TLE4: variants seen among roughly 807,000 people sequenced by gnomAD.
TLE4 encodes TLE family member 4, transcriptional corepressor.
Under a neutral mutation model 92.8 loss-of-function variants are expected in TLE4, and 8 were observed. The ratio of observed to expected loss-of-function variants is 0.09; its 90% CI spans 0.05 to 0.16. TLE4 has a LOEUF of 0.16. TLE4 is among the 10% of genes least tolerant of loss of function. The pLI is 1.00. For synonymous variants in TLE4, 371 were observed against 374.1 expected, an observed-to-expected ratio of 0.99 and a Z score of 0.10; for missense variants, 675 against 997.6, an observed-to-expected ratio of 0.68 and a Z score of 4.36.
Position 79,571,984 on chromosome 9 carries a change from G to T in TLE4, c.-807G>T, listed in dbSNP as rs867207621. ...CTACACAGAGCGTGTTGTTAGAGCT[G>T]TGCTGAGCGGGTGTTTGGGTTGTTG... On this transcript the variant is annotated 5_prime_UTR_variant, in exon 1 of 20. Transcript: ENST00000376552. 1.4e-4 allele frequency: 22 copies of T among 152,294 alleles called. No homozygotes were observed. Among genetic ancestry groups the T allele is most frequent in the African/African-American group, 5.3e-4 (22 of 41,450 alleles). 9.4% of individuals were successfully genotyped at this position (152,294 alleles called of 1,614,324 possible).
chr9:79,606,649 A>G (rs943779683), intron 4 of TLE4, among the ~76,000 whole-genome samples: 1 of 151,970 alleles, frequency 6.6e-6, no homozygotes, highest in Non-Finnish European at 1.5e-5. Flanking sequence ...TCCTTGTGAT[A>G]GTTTGCTTAG....
intron 8 of TLE4, among the ~76,000 whole-genome samples, chr9:79,698,884 T>G (rs1314988279): frequency 6.7e-6 from 1 of 149,226 alleles, no homozygotes; most frequent in African/African-American, 2.4e-5. Context: ...TATATATATA[T>G]ATATGTATAT....
intron 8 of TLE4, among the ~76,000 whole-genome samples, chr9:79,704,341 C>T (rs1354141213): frequency 6.6e-6 from 1 of 152,144 alleles, no homozygotes; most frequent in Non-Finnish European, 1.5e-5. Context: ...TCTCGACCTC[C>T]TGACCTTGTG....
At chr9:79,641,268 AAG>A (rs1238173536) in intron 6 of TLE4, among the ~76,000 whole-genome samples, 1 of 152,128 alleles carries the variant, frequency 6.6e-6, no homozygotes, top group Non-Finnish European at 1.5e-5. Context: ...AGATGCTTTA[AAG>A]AAAATGAGAA....
chr9:79,667,410 T>A (rs2061574547), intron 8 of TLE4, among the ~76,000 whole-genome samples: 1 of 152,252 alleles, frequency 6.6e-6, no homozygotes, highest in African/African-American at 2.4e-5. Flanking sequence ...AAAGGGAACT[T>A]AGAACTGTTT....
At chr9:79,574,737 C>T (rs2037170600) in intron 2 of TLE4, 136 bp from the exon 3 acceptor site, 3 of 667,914 alleles carry the variant, frequency 4.5e-6, no homozygotes, top group East Asian at 3.0e-5. Flanking sequence ...TTTCCCCTTC[C>T]CTTTCCATAA....
At chr9:79,705,862 G>A (rs1238726066) in intron 9 of TLE4, 27 bp from the exon 10 acceptor site, 1 of 1,613,492 alleles carries the variant, frequency 6.2e-7, no homozygotes, top group Non-Finnish European at 8.5e-7. Flanking sequence ...GAGGGGAGAA[G>A]ATAATGCTTC....
intron 5 of TLE4, among the ~76,000 whole-genome samples, chr9:79,623,246 T>A (rs1215727768): frequency 6.6e-6 from 1 of 152,022 alleles, no homozygotes; most frequent in East Asian, 1.9e-4. Context: ...TTTATTACGG[T>A]TTTTTATTAG....
At chr9:79,612,957 C>G (rs2048699468) in intron 5 of TLE4, among the ~76,000 whole-genome samples, 1 of 152,052 alleles carries the variant, frequency 6.6e-6, no homozygotes, top group Admixed American at 6.6e-5. Flanking sequence ...AAAATTCAGT[C>G]GTTAAAATAT....
chr9:79,701,987 C>A (rs929148252), intron 8 of TLE4, among the ~76,000 whole-genome samples: 1 of 152,152 alleles, frequency 6.6e-6, no homozygotes, highest in Non-Finnish European at 1.5e-5. Flanking sequence ...ATTAATTCTG[C>A]CTGACAGCAT....
intron 16 of TLE4, 60 bp from the exon 17 acceptor site, chr9:79,721,681 A>G: frequency 6.2e-7 from 1 of 1,607,460 alleles, no homozygotes; most frequent in Admixed American, 1.7e-5. Flanking sequence ...AGGAATTCTA[A>G]ATTGATTTTA....
chr9:79,578,039 CATT>C (rs1452795207), intron 4 of TLE4, among the ~76,000 whole-genome samples: 3 of 152,138 alleles, frequency 2.0e-5, no homozygotes, highest in African/African-American at 7.2e-5. Context: ...CAGTTTATCA[CATT>C]ATGAAATACA....
chr9:79,703,579 T>TTG lies in TLE4; in HGVS notation c.610-1202_610-1201dup, dbSNP rs556355058. On this transcript the variant is annotated intron_variant, in intron 8 of 19. Coordinates refer to ENST00000376552, the MANE Select transcript of TLE4 (RefSeq NM_007005.6). ...ATAGAGTCATTCTCTGCTTCAGGTC[T>TTG]TGTCACCCACGTCTCTTGTGTGTAT... Among the ~76,000 whole-genome samples the TTG allele has an allele frequency of 2.4e-3, 366 of 152,316 alleles. 5 individuals carry two copies. In the Middle Eastern group the frequency reaches 0.027, roughly 11 times the overall value.
intron 13 of TLE4, among the ~76,000 whole-genome samples, chr9:79,709,043 G>A (rs939504175): frequency 1.3e-5 from 2 of 152,236 alleles, no homozygotes; most frequent in East Asian, 3.9e-4. Flanking sequence ...ATGTTGCCCA[G>A]TCTGGTCTCG....
rs373338662 is a variant in TLE4 at position 79,573,521 on chromosome 9, G to A, written c.46-168G>A. ...CAGGACCACCTCGAAACCAGCCTCT[G>A]CCTGGGCTGTTGGGCGCGAGGAGGG... On this transcript the variant is annotated intron_variant, in intron 1 of 19. Coordinates refer to ENST00000376552, the MANE Select transcript of TLE4 (RefSeq NM_007005.6). 7.3e-5 allele frequency: 61 copies of A among 830,084 alleles called. No individual in the cohort carries two copies. In the African/African-American group the frequency reaches 8.3e-4, roughly 11 times the overall value. 51.4% of individuals were successfully genotyped at this position (830,084 alleles called of 1,614,324 possible).
chr9:79,640,615 C>T (rs1027359745), intron 6 of TLE4, among the ~76,000 whole-genome samples: 1 of 152,038 alleles, frequency 6.6e-6, no homozygotes, highest in African/African-American at 2.4e-5. Flanking sequence ...CTTAGTCTCA[C>T]TCTGCCGTCT....
intron 8 of TLE4, chr9:79,668,708 G>A (rs1201293187): frequency 2.4e-6 from 1 of 419,508 alleles, no homozygotes; most frequent in Non-Finnish European, 3.2e-6. Flanking sequence ...AGGTGGGGAG[G>A]ATTAAGAAGA....
intron 8 of TLE4, among the ~76,000 whole-genome samples, chr9:79,684,500 G>A (rs2065390362): frequency 9.8e-6 from 1 of 102,084 alleles, no homozygotes; most frequent in African/African-American, 2.8e-5. Flanking sequence ...ACTGTGCAAT[G>A]CAGGGATCTA....
chr9:79,608,329 G>C (rs2047577888), intron 4 of TLE4, among the ~76,000 whole-genome samples: 1 of 151,960 alleles, frequency 6.6e-6, no homozygotes, highest in African/African-American at 2.4e-5. Context: ...AAGTTGTACA[G>C]TTTCTTTAGA....
Sources: gnomAD v4.1 joint callset for allele counts (sites outside exome capture counted in the v4.1 genomes callset) on GRCh38, gnomAD v4.1.1 for gene constraint, MANE v1.5 for transcripts, NCBI Gene and HGNC (gene_info 2026-07-23, HGNC 2026-07-21) for gene names.